The following DGKG variants were observed in gnomAD, a reference collection of about 807,000 sequenced individuals.
The protein encoded by DGKG is DAG kinase gamma.
In DGKG, 78 loss-of-function variants were observed where a neutral mutation model predicts 105.3. The ratio of observed to expected loss-of-function variants is 0.74; its 90% CI spans 0.62 to 0.89. DGKG has a LOEUF of 0.89. DGKG is among the 40% of genes least tolerant of loss of function. The pLI, the probability that DGKG is intolerant of heterozygous loss-of-function variation, is 0.00. For missense variants in DGKG, 958 were observed against 1,020.1 expected, an observed-to-expected ratio of 0.94 and a Z score of 0.83; for synonymous variants, 346 against 367.1, an observed-to-expected ratio of 0.94 and a Z score of 0.66.
intron 4 of DGKG, 44 bp downstream of exon 4, chr3:186,298,020 A>C: frequency 6.4e-7 from 1 of 1,563,114 alleles, no homozygotes; most frequent in Non-Finnish European, 8.7e-7. Flanking sequence ...GCAGGGGATG[A>C]GAGCTGCGCA....
At chr3:186,256,765 G>A (rs1007960693) in intron 17 of DGKG, among the ~76,000 whole-genome samples, 5 of 152,146 alleles carry the variant, frequency 3.3e-5, no homozygotes, top group Admixed American at 6.5e-5. Flanking sequence ...CAGGGCCTTC[G>A]TCTTTGCTGT....
chr3:186,217,816 T>C (rs1207660677), intron 20 of DGKG, among the ~76,000 whole-genome samples: 1 of 152,222 alleles, frequency 6.6e-6, no homozygotes. Context: ...TTAAGGGCAT[T>C]GGGCTTTTGA....
chr3:186,219,313 T>A (rs988808801), intron 20 of DGKG, among the ~76,000 whole-genome samples: 9 of 152,122 alleles, frequency 5.9e-5, no homozygotes, highest in Non-Finnish European at 1.2e-4. Context: ...AGAGAGTGTG[T>A]CACCACATCT....
intron 17 of DGKG, among the ~76,000 whole-genome samples, chr3:186,254,173 G>T (rs989379895): frequency 2.0e-5 from 3 of 152,158 alleles, no homozygotes; most frequent in African/African-American, 4.8e-5. Flanking sequence ...GTATTTCCAT[G>T]AGACCTCAGC....
At chr3:186,276,008 A>C (rs997690885) in intron 9 of DGKG, among the ~76,000 whole-genome samples, 1 of 151,706 alleles carries the variant, frequency 6.6e-6, no homozygotes, top group African/African-American at 2.4e-5. Flanking sequence ...TCTATCATCT[A>C]TCTATCTATC....
In DGKG at chr3:186,149,086, T is replaced by C; in HGVS notation, c.*1004A>G. ...CAGGTCATACTCTGGGAGTGGTGAG[T>C]GCAAAGAAGCAGGAGGGAACCGTCT... On this transcript the variant is annotated 3_prime_UTR_variant, in exon 25 of 25. Transcript: ENST00000265022. 1.0e-6 allele frequency: 1 copy of C among 984,036 alleles called. No homozygotes were observed. The highest frequency in any genetic ancestry group is 1.2e-6 in the Non-Finnish European group (1 of 829,630). The allele number at this position is 984,036 out of a possible 1,614,324, so 61.0% of individuals were successfully genotyped here. A position where few individuals can be genotyped will look rare whatever the true frequency, so the allele number is the denominator to read the frequency against.
intron 20 of DGKG, among the ~76,000 whole-genome samples, chr3:186,235,707 C>T (rs1720383102): frequency 6.6e-6 from 1 of 152,148 alleles, no homozygotes; most frequent in African/African-American, 2.4e-5. Context: ...AACTGTGTGA[C>T]TTGAGCTTTG....
intron 11 of DGKG, 45 bp downstream of exon 11, chr3:186,272,209 TC>T (rs1560126759): frequency 6.9e-7 from 1 of 1,447,532 alleles, no homozygotes; most frequent in South Asian, 1.1e-5. Context: ...TGGACATGTT[TC>T]CTGGATGAGG....
At chr3:186,223,407 T>C (rs1341544898) in intron 20 of DGKG, among the ~76,000 whole-genome samples, 1 of 152,110 alleles carries the variant, frequency 6.6e-6, no homozygotes, top group African/African-American at 2.4e-5. Context: ...TATTTCTGCC[T>C]ATGTTTCCTG....
intron 3 of DGKG, among the ~76,000 whole-genome samples, chr3:186,303,765 G>A (rs1724087695): frequency 1.3e-5 from 2 of 152,176 alleles, no homozygotes; most frequent in South Asian, 4.2e-4. Context: ...GGTACTGATG[G>A]GCAAGCGCAT....
chr3:186,334,326 G>T (rs146653022), intron 1 of DGKG, among the ~76,000 whole-genome samples: 10 of 152,294 alleles, frequency 6.6e-5, no homozygotes, highest in African/African-American at 2.4e-4. Context: ...GACCTACAGA[G>T]ATTATTAGTA....
intron 22 of DGKG, among the ~76,000 whole-genome samples, chr3:186,176,959 G>C (rs1717112234): frequency 6.6e-6 from 1 of 152,220 alleles, no homozygotes. Context: ...CTTGTTGGGA[G>C]AAGGAGCAGG....
chr3:186,195,377 G>C (rs1718131597), intron 21 of DGKG, among the ~76,000 whole-genome samples: 1 of 152,118 alleles, frequency 6.6e-6, no homozygotes, highest in Admixed American at 6.5e-5. Flanking sequence ...TCCAGTAGTT[G>C]TTCAAATTTC....
intron 1 of DGKG, among the ~76,000 whole-genome samples, chr3:186,321,535 C>T (rs1725075977): frequency 6.6e-6 from 1 of 152,136 alleles, no homozygotes; most frequent in Admixed American, 6.5e-5. Flanking sequence ...AAGCCACCAA[C>T]CTAAAAAGGT....
chr3:186,196,527 A>G (rs1718192779), intron 21 of DGKG, among the ~76,000 whole-genome samples: 1 of 152,214 alleles, frequency 6.6e-6, no homozygotes, highest in Admixed American at 6.5e-5. Flanking sequence ...CATTTTATAG[A>G]AGAGAAAACT....
rs112751705 is a variant in DGKG, at chr3:186,328,227, C to T, written c.-248-7520G>A. On this transcript the variant is annotated intron_variant, in intron 1 of 24. Coordinates refer to ENST00000265022, the MANE Select transcript of DGKG (RefSeq NM_001346.3). ...TTTGGAACTCTTTGAGCAAATTTGC[C>T]TGTTCTCCCAGCTGTGTTCCACAGA... 1.8e-3 allele frequency among the ~76,000 whole-genome samples: 278 copies of T among 152,334 alleles called. 1 individual carries two copies. The highest frequency in any genetic ancestry group is 3.4e-3 in the Non-Finnish European group (232 of 68,032).
chr3:186,212,537 G>A (rs566570401), intron 20 of DGKG, among the ~76,000 whole-genome samples: 1 of 152,138 alleles, frequency 6.6e-6, no homozygotes, highest in African/African-American at 2.4e-5. Flanking sequence ...TTCAGTTAAG[G>A]GCAAGACTTG....
rs532201164 is a variant in DGKG, at chr3:186,315,564, T to A, written c.67+4829A>T. ...GACGGTCTATCAGGGTAGGCTAGAA[T>A]GTGGATATCAGTTTGCCTTACTAGG... is the stretch of plus-strand genomic sequence containing the variant. On this transcript the variant is annotated intron_variant, in intron 2 of 24. Coordinates refer to ENST00000265022, the MANE Select transcript of DGKG (RefSeq NM_001346.3). Among the ~76,000 whole-genome samples the A allele has an allele frequency of 1.3e-4, 20 of 152,158 alleles. No homozygotes were observed. In the East Asian group the frequency reaches 3.5e-3, roughly 26 times the overall value.
At chr3:186,173,858 C>G (rs527344562) in intron 22 of DGKG, among the ~76,000 whole-genome samples, 1 of 152,250 alleles carries the variant, frequency 6.6e-6, no homozygotes, top group Non-Finnish European at 1.5e-5. Flanking sequence ...AAAGCTCTAA[C>G]TGGTCCATCT....
Sources: gnomAD v4.1 joint callset for allele counts (sites outside exome capture counted in the v4.1 genomes callset) on GRCh38, gnomAD v4.1.1 for gene constraint, MANE v1.5 for transcripts, NCBI Gene and HGNC (gene_info 2026-07-23, HGNC 2026-07-21) for gene names.